Variants in PTPRT observed in about 807,000 individuals in gnomAD.
PTPRT encodes receptor-type tyrosine-protein phosphatase T.
A neutral mutation model predicts 176.8 loss-of-function variants in PTPRT; 56 were observed. That is an observed-to-expected ratio of 0.32 (90% confidence interval 0.26 to 0.40). The LOEUF (loss-of-function observed/expected upper bound fraction) is 0.40. Among genes scored for constraint, PTPRT ranks in the 10% least tolerant of loss-of-function variants. The pLI is 1.00. For synonymous variants in PTPRT, 783 were observed against 739.0 expected (o/e 1.06, Z -0.96); for missense variants, 1,540 against 1,908.2 (o/e 0.81, Z 3.60).
At chr20:42,458,762 A>G (rs538585574) in intron 8 of PTPRT, among the ~76,000 whole-genome samples, 1 of 152,216 alleles carries the variant, frequency 6.6e-6, no homozygotes, top group East Asian at 1.9e-4. Context: ...TCTTCTTCTG[A>G]TTTCTATGGT....
At chr20:42,136,848 G>A (rs570165021) in intron 18 of PTPRT, among the ~76,000 whole-genome samples, 2 of 152,284 alleles carry the variant, frequency 1.3e-5, no homozygotes, top group South Asian at 4.1e-4. Context: ...AATCTAATAG[G>A]GGTGTGTCAT....
At chr20:42,359,751 G>C (rs903302596) in intron 9 of PTPRT, among the ~76,000 whole-genome samples, 2 of 152,248 alleles carry the variant, frequency 1.3e-5, no homozygotes, top group South Asian at 2.1e-4. Context: ...TTCAGGGTCA[G>C]AGGCTCAGCC....
chr20:43,107,769 T>C (rs2012679337), intron 1 of PTPRT, among the ~76,000 whole-genome samples: 1 of 152,218 alleles, frequency 6.6e-6, no homozygotes, highest in Admixed American at 6.5e-5. Flanking sequence ...TTAAAACTCG[T>C]AACATAGCTG....
At chr20:42,297,326 G>A (rs1418071155) in intron 12 of PTPRT, among the ~76,000 whole-genome samples, 1 of 152,132 alleles carries the variant, frequency 6.6e-6, no homozygotes, top group Non-Finnish European at 1.5e-5. Context: ...TGAAATACTT[G>A]CTAATAGCAA....
At chr20:42,200,471 T>G (rs865829852) in intron 15 of PTPRT, among the ~76,000 whole-genome samples, 23 of 152,296 alleles carry the variant, frequency 1.5e-4, no homozygotes, top group Admixed American at 8.5e-4. Context: ...TGGAATTCCC[T>G]CCCCAACAGC....
intron 7 of PTPRT, among the ~76,000 whole-genome samples, chr20:42,670,217 TA>T (rs2075389681): frequency 6.6e-6 from 1 of 152,176 alleles, no homozygotes; most frequent in South Asian, 2.1e-4. Flanking sequence ...TATTTCTAAA[TA>T]ATGTTTATTA....
At chr20:43,124,135 T>G (rs2013361475) in intron 1 of PTPRT, among the ~76,000 whole-genome samples, 1 of 152,208 alleles carries the variant, frequency 6.6e-6, no homozygotes. Context: ...CTCTCCCAAT[T>G]CCATCCAGGT....
intron 26 of PTPRT, among the ~76,000 whole-genome samples, chr20:42,099,043 C>T (rs1985594381): frequency 6.6e-6 from 1 of 152,226 alleles, no homozygotes; most frequent in Non-Finnish European, 1.5e-5. Context: ...AAGGTGGGCA[C>T]TGTGTCATGT....
intron 9 of PTPRT, among the ~76,000 whole-genome samples, chr20:42,373,396 CTTTCTAAATATT>C (rs1244513938): frequency 6.6e-6 from 1 of 152,292 alleles, no homozygotes; most frequent in African/African-American, 2.4e-5. Context: ...GAAGCTTGTG[CTTTCTAAATATT>C]TAGATTTTTT....
intron 12 of PTPRT, among the ~76,000 whole-genome samples, chr20:42,292,475 T>C (rs1156578054): frequency 6.6e-6 from 1 of 152,136 alleles, no homozygotes; most frequent in African/African-American, 2.4e-5. Context: ...AGTTTATGTC[T>C]TTTAATCCTT....
chr20:43,000,080 AG>A, intron 1 of PTPRT, among the ~76,000 whole-genome samples: 1 of 31,224 alleles, frequency 3.2e-5, no homozygotes, highest in Non-Finnish European at 6.0e-5. Context: ...GGAGGGAGGG[AG>A]GGAGGGAGGG....
chr20:42,273,576 A>G (rs1404872632), intron 13 of PTPRT, among the ~76,000 whole-genome samples: 2 of 152,184 alleles, frequency 1.3e-5, no homozygotes, highest in Non-Finnish European at 2.9e-5. Context: ...ATAGTTTAGT[A>G]CCTTTTCCTA....
chr20:42,106,175 A>G (rs1023821606), intron 24 of PTPRT, among the ~76,000 whole-genome samples: 23 of 152,322 alleles, frequency 1.5e-4, no homozygotes, highest in Admixed American at 8.5e-4. Context: ...CAATACCGTG[A>G]CTAGAAAGAA....
chr20:43,036,142 T>G (rs1986369065), intron 1 of PTPRT, among the ~76,000 whole-genome samples: 1 of 152,186 alleles, frequency 6.6e-6, no homozygotes, highest in Admixed American at 6.5e-5. Flanking sequence ...AAGATTATAT[T>G]TTATGTATTA....
rs561445192 is a variant in PTPRT at position 43,034,632 on chromosome 20, T to C, written c.89-148700A>G. ...TAATATTAGGCTGGTGCAAAAGTAA[T>C]TGCAGTTTTTGCCATAAAAACAGCA... On this transcript the variant is annotated intron_variant, in intron 1 of 30. Transcript: ENST00000373187. 4.7e-5 allele frequency among the ~76,000 whole-genome samples: 7 copies of C among 149,356 alleles called. No homozygotes were observed. In the East Asian group the frequency reaches 1.4e-3, roughly 31 times the overall value.
intron 7 of PTPRT, among the ~76,000 whole-genome samples, chr20:42,639,503 A>G (rs369117927): frequency 1.3e-5 from 2 of 151,994 alleles, no homozygotes; most frequent in South Asian, 2.1e-4. Context: ...TTGGGTCTCA[A>G]CTCTAAGGAA....
chr20:42,901,200 T>C (rs1462998613), intron 1 of PTPRT, among the ~76,000 whole-genome samples: 1 of 152,080 alleles, frequency 6.6e-6, no homozygotes, highest in Non-Finnish European at 1.5e-5. Context: ...ACACTTTCTC[T>C]CTCAAACTGT....
At chr20:42,993,236 G>A (rs1180339513) in intron 1 of PTPRT, among the ~76,000 whole-genome samples, 2 of 151,544 alleles carry the variant, frequency 1.3e-5, no homozygotes, top group Non-Finnish European at 2.9e-5. Context: ...GGCTAACATG[G>A]TGAAACCCTG....
At chr20:42,278,480 C>A (rs1248684231) in intron 13 of PTPRT, among the ~76,000 whole-genome samples, 1 of 151,616 alleles carries the variant, frequency 6.6e-6, no homozygotes, top group African/African-American at 2.4e-5. Flanking sequence ...ATCACGCAGG[C>A]AAGACTGGTG....
Sources: allele counts gnomAD v4.1 joint callset (sites outside exome capture counted in the v4.1 genomes callset), GRCh38; gene constraint gnomAD v4.1.1; transcripts MANE v1.5; gene names NCBI Gene and HGNC (gene_info 2026-07-23, HGNC 2026-07-21).